MCUB: variants seen among roughly 807,000 people sequenced by gnomAD.
The protein encoded by MCUB is calcium uniporter regulatory subunit MCUb, mitochondrial.
MCUB carries 46 observed loss-of-function variants against 41.4 expected under a neutral mutation model. The observed-to-expected ratio is 1.11, with a 90% confidence interval of 0.88 to 1.42. The LOEUF (loss-of-function observed/expected upper bound fraction) is 1.42. Ranked by LOEUF, MCUB falls within the 40% of genes most tolerant of loss-of-function variation. MCUB has a pLI of 0.00. For synonymous variants in MCUB, 148 were observed against 148.2 expected, an observed-to-expected ratio of 1.00 and a Z score of 0.01; for missense variants, 403 against 404.9, an observed-to-expected ratio of 1.00 and a Z score of 0.04.
Position 109,560,341 on chromosome 4 carries a change from C to G in MCUB, c.4C>G (p.Leu2Val), listed in dbSNP as rs1403588822. The change falls in exon 1 of 8, where the codon CTC becomes GTC. Residue 2 changes from leucine to valine, a missense_variant. By Grantham distance (32) the Leu-to-Val change is conservative. Transcript: ENST00000394650. ...GCCGCGCGCCTGGGGCGGGAGGATG[C>G]TCCAGAGGGGCCTCTGGCCGTGGCG... MLQRGLWPWRTR... is the reference protein window; with the variant it reads MVQRGLWPWRTR... The G allele has an allele frequency of 1.6e-6, 2 of 1,286,642 alleles. No individual in the cohort carries two copies. The highest frequency in any genetic ancestry group is 2.0e-6 in the Non-Finnish European group (2 of 1,017,012). The allele number at this position is 1,286,642 out of a possible 1,614,324, so 79.7% of individuals were successfully genotyped here. A position where few individuals can be genotyped will look rare whatever the true frequency, so the allele number is the denominator to read the frequency against.
intron 1 of MCUB, among the ~76,000 whole-genome samples, chr4:109,621,828 T>C (rs781342063): frequency 2.0e-4 from 31 of 152,336 alleles, no homozygotes; most frequent in South Asian, 4.1e-4. Flanking sequence ...TACACCTCTG[T>C]TGTTCATCCA....
At chr4:109,583,547 A>C (rs1018610068) in intron 1 of MCUB, among the ~76,000 whole-genome samples, 4 of 152,062 alleles carry the variant, frequency 2.6e-5, no homozygotes, top group Admixed American at 6.6e-5. Flanking sequence ...AATCGAATAC[A>C]CTTTATTTCT....
chr4:109,600,494 A>G lies in MCUB; in HGVS notation c.99+40058A>G, dbSNP rs117834594. ...CTATTTTATTACAGTAAAATGGTAG[A>G]CCATAGGTTAAAAGCCATTTTAAGG... On this transcript the variant is annotated intron_variant, in intron 1 of 7. Transcript: ENST00000394650. 5.9e-3 allele frequency among the ~76,000 whole-genome samples: 898 copies of G among 152,302 alleles called. 30 individuals are homozygous for G. The South Asian group carries it at 0.073, about 12-fold the overall frequency.
intron 1 of MCUB, among the ~76,000 whole-genome samples, chr4:109,581,967 G>A (rs1241455660): frequency 2.6e-5 from 4 of 152,212 alleles, no homozygotes; most frequent in Non-Finnish European, 5.9e-5. Flanking sequence ...GGAAGTCAGT[G>A]TGGCGATTCC....
At position 109,656,377 on chromosome 4, in the gene MCUB, TTTTTTTTTTTTTTTTG is replaced by T. The variant is rs1415440002; in HGVS notation, c.100-2633_100-2618del. On this transcript the variant is annotated intron_variant, in intron 1 of 7. Transcript: ENST00000394650. ...TACTTTTTTTTTTTTTTTTTTTTTT[TTTTTTTTTTTTTTTTG>T]GAGACAGGGTTTCCCTCTGTGGCCC... is the stretch of plus-strand genomic sequence containing the variant. Among the ~76,000 whole-genome samples the T allele has an allele frequency of 2.4e-4, 26 of 107,316 alleles. No homozygotes were observed. The East Asian group carries it at 3.5e-3, about 14-fold the overall frequency. 70.4% of individuals were successfully genotyped at this position (107,316 alleles called of 152,430 possible).
chr4:109,653,855 A>C (rs570936628), intron 1 of MCUB, among the ~76,000 whole-genome samples: 14 of 152,310 alleles, frequency 9.2e-5, no homozygotes, highest in Admixed American at 8.5e-4. Flanking sequence ...GATTACAGGC[A>C]TGAGCCATTG....
At chr4:109,656,613 C>T (rs141420631) in intron 1 of MCUB, among the ~76,000 whole-genome samples, 1 of 151,910 alleles carries the variant, frequency 6.6e-6, no homozygotes, top group Non-Finnish European at 1.5e-5. Flanking sequence ...TCAAGCAATC[C>T]GTCTGCCTCA....
chr4:109,612,712 A>AT (rs1368805080), intron 1 of MCUB, among the ~76,000 whole-genome samples: 1 of 152,206 alleles, frequency 6.6e-6, no homozygotes, highest in Non-Finnish European at 1.5e-5. Flanking sequence ...AGAGGGGGAC[A>AT]TACAAATATT....
chr4:109,658,969 ACT>A (rs1554020036), intron 1 of MCUB, 40 bp from the exon 2 acceptor site: 1 of 1,041,736 alleles, frequency 9.6e-7, no homozygotes, highest in Non-Finnish European at 1.5e-6. Flanking sequence ...CATCTTTCCC[ACT>A]CTTTTTTTAA....
intron 1 of MCUB, among the ~76,000 whole-genome samples, chr4:109,590,310 C>T (rs1410166561): frequency 5.9e-5 from 9 of 152,126 alleles, no homozygotes; most frequent in Admixed American, 3.9e-4. Context: ...TTGGCTTACC[C>T]TTTTGCTTTT....
Position 109,684,494 on chromosome 4 carries a change from T to G in MCUB, c.664T>G (p.Trp222Gly). 6.2e-7 allele frequency: 1 copy of G among 1,613,958 alleles called. No homozygotes were observed. Among genetic ancestry groups the G allele is most frequent in the South Asian group, 1.1e-5 (1 of 91,038 alleles). ...GGAAGCCAAAACCAGTGGACTCCTG[T>G]GGGCTGGATTGGCACTGCTGTCCAT... ...HSEAKTSGLL[W>G]AGLALLSIQG... The change falls in exon 6 of 8, where the codon TGG (tryptophan) becomes GGG (glycine). Residue 222 changes from tryptophan (W) to glycine (G), a missense_variant. By Grantham distance (184) the Trp-to-Gly change is radical. Coordinates refer to ENST00000394650, the MANE Select transcript of MCUB (RefSeq NM_017918.5).
intron 3 of MCUB, among the ~76,000 whole-genome samples, chr4:109,663,123 A>G (rs951440858): frequency 6.6e-6 from 1 of 152,212 alleles, no homozygotes; most frequent in Non-Finnish European, 1.5e-5. Flanking sequence ...GTCATCACAC[A>G]TATTAATATA....
At chr4:109,566,297 G>A (rs185877705) in intron 1 of MCUB, among the ~76,000 whole-genome samples, 90 of 151,448 alleles carry the variant, frequency 5.9e-4, no homozygotes, top group African/African-American at 1.9e-3. Flanking sequence ...GTGAAACCCC[G>A]TCTCTACTAA....
chr4:109,615,257 T>A (rs1453451714), intron 1 of MCUB, among the ~76,000 whole-genome samples: 2 of 152,120 alleles, frequency 1.3e-5, no homozygotes, highest in Admixed American at 1.3e-4. Flanking sequence ...CATCTTTCTT[T>A]ACCCATATTG....
chr4:109,574,362 A>G (rs937027379), intron 1 of MCUB, among the ~76,000 whole-genome samples: 2 of 152,144 alleles, frequency 1.3e-5, no homozygotes, highest in African/African-American at 4.8e-5. Flanking sequence ...GCTGTTCCCT[A>G]ATAGACTGCT....
At chr4:109,621,142 A>C (rs1728243359) in intron 1 of MCUB, among the ~76,000 whole-genome samples, 2 of 151,996 alleles carry the variant, frequency 1.3e-5, no homozygotes, top group Non-Finnish European at 2.9e-5. Context: ...CTCGTGATCC[A>C]CCTGCCTTGC....
intron 4 of MCUB, among the ~76,000 whole-genome samples, chr4:109,678,601 G>A (rs1729633613): frequency 7.0e-6 from 1 of 142,266 alleles, no homozygotes; most frequent in Admixed American, 6.9e-5. Flanking sequence ...GTGGCGGCCA[G>A]GCAGAGGCAC....
chr4:109,638,527 A>G (rs570604579), intron 1 of MCUB, among the ~76,000 whole-genome samples: 4 of 152,220 alleles, frequency 2.6e-5, no homozygotes, highest in Admixed American at 2.0e-4. Context: ...TGTTGCCTCA[A>G]TGTTGATGGC....
At chr4:109,618,016 C>T (rs1017330360) in intron 1 of MCUB, among the ~76,000 whole-genome samples, 8 of 152,116 alleles carry the variant, frequency 5.3e-5, no homozygotes, top group African/African-American at 1.9e-4. Flanking sequence ...TTTTGCCCAC[C>T]TCTGATTTCA....
Sources: allele counts gnomAD v4.1 joint callset (sites outside exome capture counted in the v4.1 genomes callset), GRCh38; gene constraint gnomAD v4.1.1; transcripts MANE v1.5; gene names NCBI Gene and HGNC (gene_info 2026-07-23, HGNC 2026-07-21).